The following RAD51B variants were observed in gnomAD, a reference collection of about 807,000 sequenced individuals.
RAD51B encodes DNA repair protein RAD51 homolog 2.
In RAD51B, 38 loss-of-function variants were observed where a neutral mutation model predicts 42.2. That is an observed-to-expected ratio of 0.90 (90% CI 0.70 to 1.18). RAD51B has a LOEUF of 1.18. RAD51B is among the 50% of genes most tolerant of loss of function. The pLI, the probability that RAD51B is intolerant of heterozygous loss-of-function variation, is 0.00. For missense variants in RAD51B, 373 were observed against 400.7 expected (o/e 0.93, Z 0.59); for synonymous variants, 154 against 145.2 (o/e 1.06, Z -0.43).
At chr14:68,119,376 G>T (rs1214507377) in intron 7 of RAD51B, among the ~76,000 whole-genome samples, 1 of 147,958 alleles carries the variant, frequency 6.8e-6, no homozygotes, top group Non-Finnish European at 1.5e-5. Context: ...GTGCAGGTTA[G>T]TTACATATGT....
At chr14:67,927,122 C>T (rs541703498) in intron 7 of RAD51B, among the ~76,000 whole-genome samples, 1 of 152,228 alleles carries the variant, frequency 6.6e-6, no homozygotes, top group South Asian at 2.1e-4. Flanking sequence ...TAGAATAATT[C>T]TTGAATCTTA....
chr14:68,448,093 G>A (rs10133531), intron 9 of RAD51B, among the ~76,000 whole-genome samples: 6,726 of 152,248 alleles, frequency 0.044, 476 homozygotes, highest in African/African-American at 0.15. Context: ...CAGCCAGTTG[G>A]CCCATACTGA....
intron 10 of RAD51B, among the ~76,000 whole-genome samples, chr14:68,646,461 A>C (rs1010075253): frequency 1.3e-5 from 2 of 152,172 alleles, no homozygotes; most frequent in African/African-American, 4.8e-5. Context: ...AGAACTCTTA[A>C]AGGATATTAG....
At chr14:68,147,723 A>G (rs2078281859) in intron 7 of RAD51B, among the ~76,000 whole-genome samples, 1 of 152,064 alleles carries the variant, frequency 6.6e-6, no homozygotes, top group Non-Finnish European at 1.5e-5. Flanking sequence ...AACAACTCTT[A>G]CGGAAGGAGA....
chr14:67,935,041 G>T (rs1365761925), intron 7 of RAD51B, among the ~76,000 whole-genome samples: 1 of 152,050 alleles, frequency 6.6e-6, no homozygotes, highest in African/African-American at 2.4e-5. Context: ...TTTATGGTAG[G>T]GTCTGTTTCT....
At chr14:68,208,008 G>A (rs189664899) in intron 7 of RAD51B, among the ~76,000 whole-genome samples, 24 of 152,170 alleles carry the variant, frequency 1.6e-4, no homozygotes, top group African/African-American at 5.5e-4. Context: ...TATACTGTGT[G>A]TATAAAGTGC....
At chr14:68,140,907 A>G (rs2078114674) in intron 7 of RAD51B, among the ~76,000 whole-genome samples, 1 of 152,222 alleles carries the variant, frequency 6.6e-6, no homozygotes, top group African/African-American at 2.4e-5. Flanking sequence ...ATTTGAAACA[A>G]CCGGGCAAAG....
At chr14:68,485,000 T>C (rs1883514212) in intron 10 of RAD51B, among the ~76,000 whole-genome samples, 1 of 152,202 alleles carries the variant, frequency 6.6e-6, no homozygotes, top group Non-Finnish European at 1.5e-5. Flanking sequence ...CTCGGACTTA[T>C]CTTAGTGTTT....
At chr14:68,579,579 T>G (rs1890120379) in intron 10 of RAD51B, among the ~76,000 whole-genome samples, 1 of 152,248 alleles carries the variant, frequency 6.6e-6, no homozygotes, top group African/African-American at 2.4e-5. Flanking sequence ...ATTTGAGCCA[T>G]ATGTATACCG....
chr14:68,140,562 A>G (rs2078107167), intron 7 of RAD51B, among the ~76,000 whole-genome samples: 1 of 152,220 alleles, frequency 6.6e-6, no homozygotes, highest in African/African-American at 2.4e-5. Context: ...AAATGTTCTT[A>G]TAATTTTACC....
At chr14:68,093,836 C>T (rs1488490972) in intron 7 of RAD51B, among the ~76,000 whole-genome samples, 1 of 152,164 alleles carries the variant, frequency 6.6e-6, no homozygotes, top group Non-Finnish European at 1.5e-5. Flanking sequence ...ATGTGAGGAA[C>T]ATCCTGGTAC....
intron 10 of RAD51B, among the ~76,000 whole-genome samples, chr14:68,475,272 T>C (rs10138140): frequency 0.43 from 65,414 of 151,996 alleles, 14,775 homozygotes; most frequent in African/African-American, 0.57. Flanking sequence ...GAAAAGAAAA[T>C]GAATATTCGG....
intron 10 of RAD51B, among the ~76,000 whole-genome samples, chr14:68,581,884 C>T (rs569829244): frequency 1.3e-5 from 2 of 152,298 alleles, no homozygotes; most frequent in African/African-American, 4.8e-5. Context: ...CTTTGACAAA[C>T]CTGACAAAAG....
intron 8 of RAD51B, among the ~76,000 whole-genome samples, chr14:68,313,930 C>CA (rs3837660): frequency 0.54 from 82,617 of 151,948 alleles, 23,745 homozygotes; most frequent in South Asian, 0.66. Flanking sequence ...GAGGAAGGAG[C>CA]TAAAGACCCC....
At chr14:68,648,781 T>C (rs1443769677) in intron 10 of RAD51B, among the ~76,000 whole-genome samples, 1 of 151,914 alleles carries the variant, frequency 6.6e-6, no homozygotes, top group Non-Finnish European at 1.5e-5. Flanking sequence ...TGGGACTCAA[T>C]TTCCTCATTA....
At chr14:68,347,309 T>A (rs2139857776) in intron 8 of RAD51B, among the ~76,000 whole-genome samples, 1 of 152,368 alleles carries the variant, frequency 6.6e-6, no homozygotes, top group South Asian at 2.1e-4. Context: ...TGCATTCCTT[T>A]ACTTCCTATC....
intron 2 of RAD51B, among the ~76,000 whole-genome samples, chr14:67,824,866 C>T (rs1376420677): frequency 3.3e-5 from 5 of 151,420 alleles, no homozygotes; most frequent in African/African-American, 1.2e-4. Flanking sequence ...ATCATGAGGT[C>T]AGGAGTTCGA....
intron 7 of RAD51B, among the ~76,000 whole-genome samples, chr14:67,893,488 ACACACACACAC>A (rs1382368115): frequency 1.4e-5 from 1 of 73,128 alleles, no homozygotes; most frequent in Non-Finnish European, 2.8e-5. Flanking sequence ...ACACACACAC[ACACACACACAC>A]ACACACACAC....
chr14:68,540,394 A>G lies in RAD51B; in HGVS notation c.1037-54091A>G. On this transcript the variant is annotated intron_variant, in intron 10 of 10. Coordinates refer to the RAD51B transcript ENST00000487270. ...ACTTACATGAACCCTGAAAGTCATT[A>G]CATATGACTTATTCAGCCCTCCCTT... 6 of 1,054,438 alleles carry G rather than the reference A, an allele frequency of 5.7e-6. No homozygotes were observed. The African/African-American group carries it at 6.6e-5, about 12-fold the overall frequency. 65.3% of individuals were successfully genotyped at this position (1,054,438 alleles called of 1,614,324 possible).
Sources: gnomAD v4.1 joint callset for allele counts (sites outside exome capture counted in the v4.1 genomes callset) on GRCh38, gnomAD v4.1.1 for gene constraint, MANE v1.5 for transcripts, NCBI Gene and HGNC (gene_info 2026-07-23, HGNC 2026-07-21) for gene names.